The following TMTC1 variants were observed in gnomAD, a reference collection of about 807,000 sequenced individuals.
The protein encoded by TMTC1 is transmembrane O-mannosyltransferase targeting cadherins 1, also known as protein O-mannosyl-transferase TMTC1.
Under a neutral mutation model 104.8 loss-of-function variants are expected in TMTC1, and 73 were observed. That is an observed-to-expected ratio of 0.70 (90% CI 0.58 to 0.85). The LOEUF is 0.85. TMTC1 is among the 40% of genes least tolerant of loss of function. The pLI is 0.00. For missense variants in TMTC1, 1,035 were observed against 1,096.1 expected (o/e 0.94, Z 0.79); for synonymous variants, 434 against 428.7 (o/e 1.01, Z -0.15).
At chr12:29,557,132 G>T (rs1592228122) in intron 9 of TMTC1, 132 bp from the exon 10 acceptor site, 2 of 1,034,952 alleles carry the variant, frequency 1.9e-6, no homozygotes, top group East Asian at 2.6e-5. Flanking sequence ...TGAATGGTTT[G>T]TGTCCAATCT....
At chr12:29,772,718 G>A (rs960674948) in intron 1 of TMTC1, among the ~76,000 whole-genome samples, 3 of 152,026 alleles carry the variant, frequency 2.0e-5, no homozygotes, top group African/African-American at 7.2e-5. Flanking sequence ...TGTCCACAAA[G>A]AAGTATAATG....
intron 4 of TMTC1, among the ~76,000 whole-genome samples, 165 bp from the exon 5 acceptor site, chr12:29,752,037 C>T (rs1943103967): frequency 6.6e-6 from 1 of 152,062 alleles, no homozygotes; most frequent in Non-Finnish European, 1.5e-5. Flanking sequence ...ATTATTAAAA[C>T]AACATAATTA....
intron 8 of TMTC1, among the ~76,000 whole-genome samples, chr12:29,579,818 G>C (rs1315996821): frequency 1.3e-5 from 2 of 152,154 alleles, no homozygotes; most frequent in Non-Finnish European, 2.9e-5. Context: ...TTGCAGCTAT[G>C]ATCATAAATC....
intron 5 of TMTC1, among the ~76,000 whole-genome samples, chr12:29,664,478 C>T (rs1315755470): frequency 6.6e-6 from 1 of 152,068 alleles, no homozygotes; most frequent in East Asian, 1.9e-4. Context: ...TCCTCTTCCC[C>T]TACCCACACC....
chr12:29,737,290 G>A (rs1231605737), intron 5 of TMTC1, among the ~76,000 whole-genome samples: 1 of 152,150 alleles, frequency 6.6e-6, no homozygotes, highest in Non-Finnish European at 1.5e-5. Context: ...AAGCTGAGGC[G>A]GGCGGATCAC....
chr12:29,596,215 C>T (rs1946400322), intron 7 of TMTC1, among the ~76,000 whole-genome samples: 1 of 152,138 alleles, frequency 6.6e-6, no homozygotes, highest in East Asian at 1.9e-4. Flanking sequence ...CCATGTTGAC[C>T]AGACTGGTCT....
intron 17 of TMTC1, 113 bp from the exon 18 acceptor site, chr12:29,507,099 A>G (rs987231628): frequency 5.8e-6 from 5 of 857,408 alleles, no homozygotes; most frequent in African/African-American, 5.1e-5. Context: ...ATGTTCTCAT[A>G]TGGAAACTCT....
chr12:29,613,196 G>A (rs760397386), intron 6 of TMTC1, among the ~76,000 whole-genome samples: 3 of 152,192 alleles, frequency 2.0e-5, no homozygotes, highest in African/African-American at 4.8e-5. Flanking sequence ...TGCTCTAAGA[G>A]ATATGTGTCC....
intron 9 of TMTC1, chr12:29,569,041 G>C (rs1945595264): frequency 4.4e-6 from 2 of 453,700 alleles, no homozygotes; most frequent in African/African-American, 4.0e-5. Flanking sequence ...GCTAACACTT[G>C]ATGTTTGTTG....
intron 9 of TMTC1, chr12:29,568,798 G>A (rs1263992920): frequency 2.5e-6 from 1 of 398,074 alleles, no homozygotes; most frequent in East Asian, 7.2e-5. Context: ...GCATTTCTTG[G>A]GAGTTTTTGT....
chr12:29,592,661 G>C (rs569394345), intron 7 of TMTC1, among the ~76,000 whole-genome samples: 50 of 152,144 alleles, frequency 3.3e-4, no homozygotes, highest in Middle Eastern at 6.8e-3. Context: ...GGAAAGCCTC[G>C]GTTTGCATGT....
intron 5 of TMTC1, among the ~76,000 whole-genome samples, chr12:29,665,585 A>T (rs536552283): frequency 9.2e-5 from 14 of 152,246 alleles, no homozygotes; most frequent in Non-Finnish European, 2.1e-4. Flanking sequence ...GCTTATTATA[A>T]ATCAATGACC....
Position 29,548,809 on chromosome 12 carries a change from A to AC in TMTC1, c.1676+8047_1676+8048insG, listed in dbSNP as rs754912121. Among the ~76,000 whole-genome samples the AC allele has an allele frequency of 7.7e-5, 11 of 142,940 alleles. No homozygotes were observed. In the East Asian group the frequency reaches 1.6e-3, roughly 20 times the overall value. The allele number at this position is 142,940 out of a possible 152,430, so 93.8% of individuals were successfully genotyped here. On this transcript the variant is annotated intron_variant, in intron 10 of 17. Coordinates refer to ENST00000539277, the MANE Select transcript of TMTC1 (RefSeq NM_001193451.2). ...ATATTACATATAAATATATAAGTAT[A>AC]AAGGTTATATATTGCTTGATTATAT...
chr12:29,611,956 A>G (rs1946856326), intron 6 of TMTC1, among the ~76,000 whole-genome samples: 1 of 152,178 alleles, frequency 6.6e-6, no homozygotes. Context: ...AAGTAGGTAT[A>G]ATTATCTCCA....
intron 15 of TMTC1, among the ~76,000 whole-genome samples, chr12:29,515,493 C>A (rs1240862508): frequency 1.3e-5 from 2 of 152,182 alleles, no homozygotes; most frequent in Admixed American, 6.5e-5. Flanking sequence ...CAGGGCTTTG[C>A]ATGTGCGTTT....
chr12:29,644,688 A>C (rs1391777731), intron 5 of TMTC1, among the ~76,000 whole-genome samples: 1 of 151,532 alleles, frequency 6.6e-6, no homozygotes, highest in Non-Finnish European at 1.5e-5. Context: ...CTCCACCTCC[A>C]CCCTCTGCTC....
At chr12:29,651,460 G>A (rs531048616) in intron 5 of TMTC1, among the ~76,000 whole-genome samples, 4 of 152,214 alleles carry the variant, frequency 2.6e-5, no homozygotes, top group East Asian at 1.9e-4. Flanking sequence ...TGTTCTCTCC[G>A]CTTTTGTAAT....
chr12:29,761,587 T>TTC (rs1373387271), intron 2 of TMTC1, among the ~76,000 whole-genome samples: 1 of 151,716 alleles, frequency 6.6e-6, no homozygotes, highest in African/African-American at 2.4e-5. Context: ...TTCTCGTTTT[T>TTC]TTTTTAATCC....
chr12:29,763,557 T>C (rs1943398830), intron 2 of TMTC1, among the ~76,000 whole-genome samples: 2 of 152,122 alleles, frequency 1.3e-5, no homozygotes, highest in Non-Finnish European at 2.9e-5. Flanking sequence ...CTCAAGGAGT[T>C]TAACATCTGG....
Sources: allele counts gnomAD v4.1 joint callset (sites outside exome capture counted in the v4.1 genomes callset), GRCh38; gene constraint gnomAD v4.1.1; transcripts MANE v1.5; gene names NCBI Gene and HGNC (gene_info 2026-07-23, HGNC 2026-07-21).